ERI3: variants seen among roughly 807,000 people sequenced by gnomAD.
The protein encoded by ERI3 is ERI1 exoribonuclease 3.
A neutral mutation model predicts 44.4 loss-of-function variants in ERI3; 18 were observed. That is an observed-to-expected ratio of 0.41 (90% CI 0.28 to 0.60). ERI3 has a LOEUF of 0.60. Ranked by LOEUF, ERI3 falls within the 20% of genes least tolerant of loss-of-function variation. The pLI, the probability that ERI3 is intolerant of heterozygous loss-of-function variation, is 0.36. For missense variants in ERI3, 294 were observed against 435.5 expected (o/e 0.68, Z 2.89); for synonymous variants, 183 against 164.8 (o/e 1.11, Z -0.84).
chr1:44,222,799 T>A (rs1012465394), intron 8 of ERI3, among the ~76,000 whole-genome samples: 2 of 152,190 alleles, frequency 1.3e-5, no homozygotes, highest in Admixed American at 6.5e-5. Context: ...CCAACCTTCA[T>A]AGGATCGATG....
chr1:44,278,304 C>G (rs2154322559), intron 7 of ERI3, among the ~76,000 whole-genome samples: 1 of 152,160 alleles, frequency 6.6e-6, no homozygotes, highest in South Asian at 2.1e-4. Flanking sequence ...TGGCGAAACT[C>G]TATTTCTACT....
intron 7 of ERI3, chr1:44,283,918 A>C: frequency 2.2e-6 from 1 of 448,430 alleles, no homozygotes; most frequent in Non-Finnish European, 4.6e-6. Flanking sequence ...TCAAGACTCA[A>C]ATCCTCGCCA....
At chr1:44,308,914 G>C (rs1197717497) in intron 5 of ERI3, among the ~76,000 whole-genome samples, 1 of 152,120 alleles carries the variant, frequency 6.6e-6, no homozygotes, top group Non-Finnish European at 1.5e-5. Context: ...TTCACCTTAA[G>C]AGGCCCCTTT....
At chr1:44,321,369 A>G (rs1272591283) in intron 3 of ERI3, among the ~76,000 whole-genome samples, 2 of 152,132 alleles carry the variant, frequency 1.3e-5, no homozygotes, top group Non-Finnish European at 1.5e-5. Flanking sequence ...CAGAGGGGAG[A>G]GAAGGGAGGC....
Position 44,222,867 on chromosome 1 carries a change from G to A in ERI3, c.932-1227C>T, listed in dbSNP as rs911448509. Among the ~76,000 whole-genome samples, 4 of 152,190 alleles carry A rather than the reference G, an allele frequency of 2.6e-5. No individual in the cohort carries two copies. In the East Asian group the frequency reaches 7.7e-4, roughly 29 times the overall value. On this transcript the variant is annotated intron_variant, in intron 8 of 8. Transcript: ENST00000372257. ...ATAATCAAGTGTGGGGGGGTATTAA[G>A]GTCAAGGTGGGGTCAGGAAGCCTCT...
intron 7 of ERI3, among the ~76,000 whole-genome samples, chr1:44,280,449 G>A (rs1645263049): frequency 6.6e-6 from 1 of 152,166 alleles, no homozygotes; most frequent in African/African-American, 2.4e-5. Context: ...GCCTAATTCT[G>A]TGGTTCTCAA....
chr1:44,299,767 T>C (rs1455891441), intron 6 of ERI3, among the ~76,000 whole-genome samples: 1 of 152,136 alleles, frequency 6.6e-6, no homozygotes, highest in African/African-American at 2.4e-5. Flanking sequence ...GGAAGCTGCA[T>C]GGAACCTCTA....
intron 6 of ERI3, among the ~76,000 whole-genome samples, chr1:44,301,487 G>A (rs1645725224): frequency 6.6e-6 from 1 of 152,178 alleles, no homozygotes; most frequent in African/African-American, 2.4e-5. Flanking sequence ...AGAGAAGGAG[G>A]CCATGACATA....
chr1:44,343,101 A>G (rs575654441), intron 2 of ERI3, among the ~76,000 whole-genome samples: 1 of 151,554 alleles, frequency 6.6e-6, no homozygotes, highest in Non-Finnish European at 1.5e-5. Flanking sequence ...GAAATACAAG[A>G]TGAGCGCATA....
At chr1:44,320,277 G>C (rs1646172012) in intron 3 of ERI3, among the ~76,000 whole-genome samples, 1 of 152,190 alleles carries the variant, frequency 6.6e-6, no homozygotes, top group African/African-American at 2.4e-5. Flanking sequence ...AAGGAGAAAA[G>C]AGTAACAGTA....
intron 2 of ERI3, among the ~76,000 whole-genome samples, chr1:44,342,824 T>TATATATATATATATATATATATATATAA (rs1646687021): frequency 2.7e-4 from 4 of 14,796 alleles, no homozygotes; most frequent in African/African-American, 1.1e-3. Context: ...TATATATATA[T>TATATATATATATATATATATATATATAA]ATATATATAT....
chr1:44,285,169 T>C lies in ERI3; in HGVS notation c.759-262A>G, dbSNP rs894263256. Among the ~76,000 whole-genome samples, 7 of 152,342 alleles carry C rather than the reference T, an allele frequency of 4.6e-5. No homozygotes were observed. In the East Asian group the frequency reaches 5.8e-4, roughly 13 times the overall value. ...ATAGCAGCAGGCCACTATTTCCTAA[T>C]GGCTTACAGTATGCCAAGTACCTTA... On this transcript the variant is annotated intron_variant, in intron 6 of 8. Transcript: ENST00000372257.
chr1:44,316,775 T>TC (rs1314590512), intron 4 of ERI3, among the ~76,000 whole-genome samples: 1 of 152,170 alleles, frequency 6.6e-6, no homozygotes, highest in Non-Finnish European at 1.5e-5. Context: ...AGTTTTTTTT[T>TC]CATGATAACA....
chr1:44,250,712 C>T lies in ERI3; in HGVS notation c.832-2674G>A, dbSNP rs532196981. Among the ~76,000 whole-genome samples, 106 of 152,018 alleles carry T rather than the reference C, an allele frequency of 7.0e-4. 1 individual carries two copies. Among genetic ancestry groups the T allele is most frequent in the African/African-American group, 2.4e-3 (98 of 41,510 alleles). On this transcript the variant is annotated intron_variant, in intron 7 of 8. Transcript: ENST00000372257. Reference sequence around the variant, plus strand: ...ACCAATTGCTGCTGTGACATGGCCTCATCCAGCACTTCCTCAGGGGGGGCA... The same window carrying T: ...ACCAATTGCTGCTGTGACATGGCCTTATCCAGCACTTCCTCAGGGGGGGCA...
chr1:44,331,325 G>A (rs1199339810), intron 3 of ERI3, among the ~76,000 whole-genome samples: 6 of 151,690 alleles, frequency 4.0e-5, no homozygotes, highest in Non-Finnish European at 7.4e-5. Flanking sequence ...TTAAGCAGGG[G>A]GAAGGTGAAG....
chr1:44,250,959 T>C (rs745645050), intron 7 of ERI3, among the ~76,000 whole-genome samples: 7 of 152,166 alleles, frequency 4.6e-5, no homozygotes, highest in Non-Finnish European at 1.0e-4. Context: ...TACTGACACA[T>C]GCACCTGCAG....
intron 8 of ERI3, among the ~76,000 whole-genome samples, chr1:44,225,966 T>C (rs1381566995): frequency 6.6e-6 from 1 of 152,160 alleles, no homozygotes; most frequent in Non-Finnish European, 1.5e-5. Context: ...CTCCCTGCCT[T>C]CAAGGAACTC....
intron 8 of ERI3, among the ~76,000 whole-genome samples, chr1:44,226,426 C>T (rs1644039768): frequency 1.3e-5 from 2 of 151,918 alleles, no homozygotes; most frequent in African/African-American, 2.4e-5. Context: ...AAGGATTAAC[C>T]CTGAAGGCAG....
intron 6 of ERI3, among the ~76,000 whole-genome samples, chr1:44,287,408 C>G (rs1002210081): frequency 2.0e-5 from 3 of 152,212 alleles, no homozygotes; most frequent in Non-Finnish European, 4.4e-5. Context: ...AAATATTTGA[C>G]AGATAGTAAC....
Sources: allele counts gnomAD v4.1 joint callset (sites outside exome capture counted in the v4.1 genomes callset), GRCh38; gene constraint gnomAD v4.1.1; transcripts MANE v1.5; gene names NCBI Gene and HGNC (gene_info 2026-07-23, HGNC 2026-07-21).